The following SLC25A21 variants were observed in gnomAD, a reference collection of about 807,000 sequenced individuals.
The protein encoded by SLC25A21 is solute carrier family 25 member 21.
A neutral mutation model predicts 43.8 loss-of-function variants in SLC25A21; 47 were observed. That is an observed-to-expected ratio of 1.07 (90% confidence interval 0.85 to 1.37). The LOEUF is 1.37. Among genes scored for constraint, SLC25A21 ranks in the 40% most tolerant of loss-of-function variants. SLC25A21 has a pLI of 0.00. For missense variants in SLC25A21, 352 were observed against 350.2 expected, an observed-to-expected ratio of 1.00 and a Z score of -0.04; for synonymous variants, 131 against 121.3, an observed-to-expected ratio of 1.08 and a Z score of -0.52.
chr14:36,730,307 C>T (rs1177037487), intron 4 of SLC25A21, among the ~76,000 whole-genome samples: 1 of 152,182 alleles, frequency 6.6e-6, no homozygotes, highest in Non-Finnish European at 1.5e-5. Flanking sequence ...ACATTTCCCC[C>T]CTTTTTTCTT....
rs111590684 is a variant in SLC25A21 at position 37,165,855 on chromosome 14, T to C, written c.70+6426A>G. 2.5e-3 allele frequency among the ~76,000 whole-genome samples: 375 copies of C among 152,222 alleles called. 2 individuals are homozygous for C. The highest frequency in any genetic ancestry group is 8.5e-3 in the African/African-American group (354 of 41,538). On this transcript the variant is annotated intron_variant, in intron 1 of 9. Transcript: ENST00000331299. ...CACAGGGAAGGGTCCAAACTGATCA[T>C]TAGGAAGAATGGGAAAGTCTGAGAT...
intron 3 of SLC25A21, among the ~76,000 whole-genome samples, chr14:36,803,952 G>A (rs1001802681): frequency 1.3e-5 from 2 of 152,136 alleles, no homozygotes; most frequent in African/African-American, 4.8e-5. Context: ...ACTGTGTCTG[G>A]TAACTACTCT....
chr14:37,033,815 A>T (rs987368232), intron 1 of SLC25A21, among the ~76,000 whole-genome samples: 5 of 152,106 alleles, frequency 3.3e-5, no homozygotes, highest in African/African-American at 1.2e-4. Flanking sequence ...CAGATTTTTA[A>T]TTTTTTTGAT....
chr14:37,138,058 G>T (rs1051915756), intron 1 of SLC25A21, among the ~76,000 whole-genome samples: 1 of 151,904 alleles, frequency 6.6e-6, no homozygotes, highest in Non-Finnish European at 1.5e-5. Context: ...TAAAATATCT[G>T]CTCATATTCC....
At chr14:36,726,441 TAA>T (rs56038928) in intron 5 of SLC25A21, among the ~76,000 whole-genome samples, 9 of 103,896 alleles carry the variant, frequency 8.7e-5, no homozygotes, top group South Asian at 2.9e-4. Flanking sequence ...TCAAATAAAA[TAA>T]AAAAAAAAAG....
At chr14:36,752,649 A>C (rs1885752474) in intron 3 of SLC25A21, among the ~76,000 whole-genome samples, 1 of 152,228 alleles carries the variant, frequency 6.6e-6, no homozygotes, top group African/African-American at 2.4e-5. Context: ...TACTGTATTG[A>C]CATGGTTTGG....
At chr14:36,888,627 C>A (rs1258132632) in intron 1 of SLC25A21, among the ~76,000 whole-genome samples, 1 of 152,086 alleles carries the variant, frequency 6.6e-6, no homozygotes, top group Non-Finnish European at 1.5e-5. Flanking sequence ...CCTCTGTGCC[C>A]TTCCTACGGT....
At chr14:36,943,844 G>A (rs1892623231) in intron 1 of SLC25A21, among the ~76,000 whole-genome samples, 1 of 152,026 alleles carries the variant, frequency 6.6e-6, no homozygotes, top group Non-Finnish European at 1.5e-5. Context: ...TTAGCAAGAA[G>A]CCTTTGTTTA....
chr14:36,985,499 T>C (rs1024753000), intron 1 of SLC25A21, among the ~76,000 whole-genome samples: 5 of 152,204 alleles, frequency 3.3e-5, no homozygotes, highest in Admixed American at 6.6e-5. Flanking sequence ...AAATAATTCA[T>C]CAATCCTTTC....
chr14:36,695,837 A>G (rs1211004888), intron 7 of SLC25A21, among the ~76,000 whole-genome samples: 1 of 152,194 alleles, frequency 6.6e-6, no homozygotes, highest in Non-Finnish European at 1.5e-5. Flanking sequence ...TAAATATACA[A>G]TCATGTCATC....
chr14:37,093,846 A>C (rs2138854488), intron 1 of SLC25A21, among the ~76,000 whole-genome samples: 1 of 152,300 alleles, frequency 6.6e-6, no homozygotes, highest in African/African-American at 2.4e-5. Flanking sequence ...TTAAAACCTA[A>C]GTAGTAACTT....
intron 3 of SLC25A21, among the ~76,000 whole-genome samples, chr14:36,749,383 A>T (rs1163781101): frequency 6.6e-6 from 1 of 152,126 alleles, no homozygotes; most frequent in Non-Finnish European, 1.5e-5. Flanking sequence ...CTTCATGTCT[A>T]CTATCCTGGT....
intron 3 of SLC25A21, among the ~76,000 whole-genome samples, chr14:36,753,919 C>CAG (rs56871881): frequency 0.11 from 14,123 of 129,888 alleles, 572 homozygotes; most frequent in Admixed American, 0.13. Context: ...TCACTGGGGA[C>CAG]AGAGAGAGAG....
intron 1 of SLC25A21, among the ~76,000 whole-genome samples, chr14:36,884,326 T>TC (rs1428882425): frequency 6.6e-6 from 1 of 152,228 alleles, no homozygotes; most frequent in Non-Finnish European, 1.5e-5. Context: ...TCCTTCTTTT[T>TC]CAGGGCTGAA....
intron 1 of SLC25A21, among the ~76,000 whole-genome samples, chr14:37,076,120 T>C (rs1962275353): frequency 6.6e-6 from 1 of 152,202 alleles, no homozygotes. Flanking sequence ...GTTGAAACAG[T>C]CTTCATATGT....
chr14:37,077,498 T>C (rs559873625), intron 1 of SLC25A21, among the ~76,000 whole-genome samples: 31 of 152,096 alleles, frequency 2.0e-4, no homozygotes, highest in African/African-American at 7.0e-4. Context: ...TGTATAACAA[T>C]TGAATTTTAG....
At chr14:36,971,428 T>C (rs1959745999) in intron 1 of SLC25A21, among the ~76,000 whole-genome samples, 2 of 152,108 alleles carry the variant, frequency 1.3e-5, no homozygotes, top group Admixed American at 1.3e-4. Flanking sequence ...GCAGACAAGA[T>C]GGCGCTGGCC....
intron 1 of SLC25A21, among the ~76,000 whole-genome samples, chr14:36,996,290 C>T (rs1273306081): frequency 6.6e-6 from 1 of 152,178 alleles, no homozygotes; most frequent in Non-Finnish European, 1.5e-5. Flanking sequence ...ATCATAGTAT[C>T]TAAGTCATGT....
intron 3 of SLC25A21, among the ~76,000 whole-genome samples, chr14:36,754,509 T>C (rs1885849251): frequency 6.6e-6 from 1 of 152,182 alleles, no homozygotes; most frequent in African/African-American, 2.4e-5. Flanking sequence ...TTTGATTTCA[T>C]CTTTATTTAC....
Sources: gnomAD v4.1 joint callset for allele counts (sites outside exome capture counted in the v4.1 genomes callset) on GRCh38, gnomAD v4.1.1 for gene constraint, MANE v1.5 for transcripts, NCBI Gene and HGNC (gene_info 2026-07-23, HGNC 2026-07-21) for gene names.